KCNIP4: variants seen among roughly 807,000 people sequenced by gnomAD.
KCNIP4 encodes the protein potassium voltage-gated channel interacting protein 4, also known as Kv channel-interacting protein 4.
Under a neutral mutation model 34.0 loss-of-function variants are expected in KCNIP4, and 12 were observed. The ratio of observed to expected loss-of-function variants is 0.35; its 90% CI spans 0.23 to 0.57. The LOEUF (loss-of-function observed/expected upper bound fraction) is 0.57. KCNIP4 is among the 20% of genes least tolerant of loss of function. The pLI, the probability that KCNIP4 is intolerant of heterozygous loss-of-function variation, is 0.83. For missense variants in KCNIP4, 238 were observed against 311.7 expected, an observed-to-expected ratio of 0.76 and a Z score of 1.78; for synonymous variants, 124 against 102.2, an observed-to-expected ratio of 1.21 and a Z score of -1.29.
chr4:21,776,693 A>T (rs1163218103), intron 1 of KCNIP4, among the ~76,000 whole-genome samples: 1 of 152,146 alleles, frequency 6.6e-6, no homozygotes, highest in Non-Finnish European at 1.5e-5. Flanking sequence ...GAAACCAGGT[A>T]GAGGTGATTG....
At chr4:21,543,490 A>G (rs1010864681) in intron 1 of KCNIP4, among the ~76,000 whole-genome samples, 1 of 152,102 alleles carries the variant, frequency 6.6e-6, no homozygotes, top group Admixed American at 6.6e-5. Flanking sequence ...TTGCTCTACA[A>G]TAGAGGTATT....
intron 1 of KCNIP4, among the ~76,000 whole-genome samples, chr4:21,885,376 A>G (rs1726705171): frequency 6.6e-6 from 1 of 152,174 alleles, no homozygotes; most frequent in Non-Finnish European, 1.5e-5. Flanking sequence ...CATATTTAGT[A>G]AATGAGTAGT....
At chr4:21,106,594 T>A (rs1748562665) in intron 1 of KCNIP4, among the ~76,000 whole-genome samples, 1 of 151,548 alleles carries the variant, frequency 6.6e-6, no homozygotes, top group African/African-American at 2.4e-5. Context: ...TGTCTCTATT[T>A]CCTTCAGGTC....
intron 1 of KCNIP4, among the ~76,000 whole-genome samples, chr4:21,079,393 A>G (rs1357637338): frequency 1.3e-5 from 2 of 152,088 alleles, no homozygotes; most frequent in Non-Finnish European, 1.5e-5. Context: ...ACTGTTAAAC[A>G]TTTTTTAGAG....
Position 20,921,281 on chromosome 4 carries a change from G to A in KCNIP4, c.62-38572C>T, listed in dbSNP as rs535543651. ...GGGCTGATGAGGATGCAGTGAGAGC[G>A]TGGAGGATGAGATGTAGGTTACTTT... On this transcript the variant is annotated intron_variant, in intron 1 of 8. Coordinates refer to ENST00000382152, the MANE Select transcript of KCNIP4 (RefSeq NM_025221.6). Among the ~76,000 whole-genome samples, 50 of 152,258 alleles carry A rather than the reference G, an allele frequency of 3.3e-4. 1 individual carries two copies. In the South Asian group the frequency reaches 8.3e-3, roughly 25 times the overall value.
chr4:21,476,674 T>A, intron 1 of KCNIP4, among the ~76,000 whole-genome samples: 1 of 152,172 alleles, frequency 6.6e-6, no homozygotes, highest in East Asian at 1.9e-4. Flanking sequence ...ACTCCAAATC[T>A]CAAAGACAAG....
chr4:21,307,327 G>A (rs1425328), intron 1 of KCNIP4, among the ~76,000 whole-genome samples: 22,399 of 152,012 alleles, frequency 0.15, 2,328 homozygotes, highest in African/African-American at 0.3. Context: ...CTTCCCATGA[G>A]TAAGTGACTT....
chr4:21,307,997 C>G (rs1712679011), intron 1 of KCNIP4, among the ~76,000 whole-genome samples: 1 of 152,180 alleles, frequency 6.6e-6, no homozygotes, highest in Admixed American at 6.5e-5. Context: ...CCACTCTCAT[C>G]CCTTCATTTT....
intron 1 of KCNIP4, among the ~76,000 whole-genome samples, chr4:21,081,834 A>T (rs1220797815): frequency 4.6e-5 from 7 of 151,796 alleles, no homozygotes; most frequent in Non-Finnish European, 1.0e-4. Flanking sequence ...TTTTATATAC[A>T]CACAGAAACA....
Position 21,261,718 on chromosome 4 carries a change from G to A in KCNIP4, c.62-379009C>T, listed in dbSNP as rs1478001907. On this transcript the variant is annotated intron_variant, in intron 1 of 8. Coordinates refer to ENST00000382152, the MANE Select transcript of KCNIP4 (RefSeq NM_025221.6). ...TACACCTAATCTATTAAGTCCTATTGGCTCTACGTCTACAATACAAGCTAG... is the reference window on the plus strand; with the variant it reads ...TACACCTAATCTATTAAGTCCTATTAGCTCTACGTCTACAATACAAGCTAG... 3.3e-5 allele frequency among the ~76,000 whole-genome samples: 5 copies of A among 151,906 alleles called. No homozygotes were observed. In the East Asian group the frequency reaches 7.7e-4, roughly 23 times the overall value.
At chr4:20,810,589 A>G (rs1456345579) in intron 3 of KCNIP4, among the ~76,000 whole-genome samples, 2 of 152,142 alleles carry the variant, frequency 1.3e-5, no homozygotes, top group Non-Finnish European at 2.9e-5. Flanking sequence ...ACAATGTAAC[A>G]ATCAGCTTTA....
chr4:21,245,945 G>A (rs551050161), intron 1 of KCNIP4, among the ~76,000 whole-genome samples: 30 of 152,206 alleles, frequency 2.0e-4, no homozygotes, highest in African/African-American at 4.8e-4. Flanking sequence ...GCAAATACCC[G>A]GAGGAGTTTT....
intron 1 of KCNIP4, among the ~76,000 whole-genome samples, chr4:21,903,257 A>G (rs1232622984): frequency 6.6e-6 from 1 of 152,118 alleles, no homozygotes; most frequent in Non-Finnish European, 1.5e-5. Flanking sequence ...TATTTTTTTG[A>G]CATGGATAAT....
At chr4:21,904,062 A>G (rs987698417) in intron 1 of KCNIP4, among the ~76,000 whole-genome samples, 1 of 152,138 alleles carries the variant, frequency 6.6e-6, no homozygotes, top group African/African-American at 2.4e-5. Flanking sequence ...AGGAATTACA[A>G]TTTTTAAGAC....
chr4:21,165,471 A>G (rs1240049895), intron 1 of KCNIP4, among the ~76,000 whole-genome samples: 1 of 17,656 alleles, frequency 5.7e-5, no homozygotes, highest in Non-Finnish European at 1.1e-4. Context: ...AAAAAAAAAA[A>G]AAAAGAAAAT....
intron 1 of KCNIP4, among the ~76,000 whole-genome samples, chr4:21,185,788 A>G (rs1008302788): frequency 1.3e-5 from 2 of 152,178 alleles, no homozygotes; most frequent in Non-Finnish European, 1.5e-5. Flanking sequence ...ATCCATTTCC[A>G]TAATTGGCAA....
intron 1 of KCNIP4, among the ~76,000 whole-genome samples, chr4:21,646,651 G>A (rs968659097): frequency 1.6e-4 from 24 of 152,168 alleles, no homozygotes; most frequent in African/African-American, 5.1e-4. Context: ...AAATGCAAGC[G>A]CATGGGACAT....
chr4:21,765,686 G>C (rs1333517533), intron 1 of KCNIP4, among the ~76,000 whole-genome samples: 3 of 151,266 alleles, frequency 2.0e-5, no homozygotes, highest in Non-Finnish European at 4.4e-5. Context: ...GACTGGTCTT[G>C]ACCTCCTGAC....
At chr4:21,664,403 T>C (rs1748681920) in intron 1 of KCNIP4, among the ~76,000 whole-genome samples, 1 of 139,598 alleles carries the variant, frequency 7.2e-6, no homozygotes, top group African/African-American at 2.8e-5. Flanking sequence ...AACCTACTTC[T>C]TAAACAGAGA....
Sources: allele counts gnomAD v4.1 joint callset (sites outside exome capture counted in the v4.1 genomes callset), GRCh38; gene constraint gnomAD v4.1.1; transcripts MANE v1.5; gene names NCBI Gene and HGNC (gene_info 2026-07-23, HGNC 2026-07-21).